The following CNR2 variants were observed in gnomAD, a reference collection of about 807,000 sequenced individuals.
CNR2 encodes cannabinoid receptor 2 (macrophage).
For missense variants in CNR2, 379 were observed against 439.9 expected (o/e 0.86, Z 1.24); for synonymous variants, 172 against 182.2 (o/e 0.94, Z 0.45).
intron 1 of CNR2, among the ~76,000 whole-genome samples, chr1:23,880,684 G>A (rs1178964024): frequency 6.6e-6 from 1 of 151,724 alleles, no homozygotes; most frequent in East Asian, 1.9e-4. Context: ...TCCTGCTTCA[G>A]CTTCCTGAGT....
intron 1 of CNR2, among the ~76,000 whole-genome samples, chr1:23,912,267 C>T (rs955445885): frequency 3.3e-5 from 5 of 152,188 alleles, no homozygotes; most frequent in South Asian, 2.1e-4. Flanking sequence ...CTCTTCCCTC[C>T]GCTGAGTGGA....
At chr1:23,897,157 G>T (rs1570716138) in intron 1 of CNR2, among the ~76,000 whole-genome samples, 1 of 152,092 alleles carries the variant, frequency 6.6e-6, no homozygotes, top group African/African-American at 2.4e-5. Flanking sequence ...TTACAGGTGT[G>T]AGCCACTGCA....
intron 1 of CNR2, among the ~76,000 whole-genome samples, chr1:23,897,687 C>T (rs1351273885): frequency 6.6e-6 from 1 of 151,960 alleles, no homozygotes; most frequent in Non-Finnish European, 1.5e-5. Context: ...GTCTTGAACT[C>T]CTGACCTTGT....
At chr1:23,904,889 G>T (rs574603402) in intron 1 of CNR2, among the ~76,000 whole-genome samples, 185 of 152,282 alleles carry the variant, frequency 1.2e-3, no homozygotes, top group Non-Finnish European at 2.2e-3. Context: ...AATCACCTGT[G>T]GTTTGCCTCC....
intron 1 of CNR2, among the ~76,000 whole-genome samples, chr1:23,893,489 T>C (rs1640222523): frequency 6.6e-6 from 1 of 152,250 alleles, no homozygotes; most frequent in Non-Finnish European, 1.5e-5. Context: ...ATGTGCAGAT[T>C]AAATAATTAT....
chr1:23,912,035 A>T (rs572709338), intron 1 of CNR2, among the ~76,000 whole-genome samples: 5 of 152,128 alleles, frequency 3.3e-5, no homozygotes, highest in African/African-American at 9.6e-5. Flanking sequence ...CAAACTCTCC[A>T]CCACAGCCAT....
intron 1 of CNR2, among the ~76,000 whole-genome samples, 197 bp downstream of exon 1, chr1:23,913,049 C>A (rs1241469458): frequency 6.6e-6 from 1 of 150,630 alleles, no homozygotes; most frequent in Non-Finnish European, 1.5e-5. Context: ...CACCTGTAAT[C>A]CCAACTACAC....
At chr1:23,886,707 G>A (rs1386003557) in intron 1 of CNR2, among the ~76,000 whole-genome samples, 6 of 152,090 alleles carry the variant, frequency 3.9e-5, no homozygotes, top group Admixed American at 1.3e-4. Flanking sequence ...CTAATCCAAC[G>A]CCATCATTTT....
chr1:23,873,528 G>A lies in CNR2; in HGVS notation c.*1007C>T, dbSNP rs1413267873. On this transcript the variant is annotated 3_prime_UTR_variant, in exon 2 of 2. Transcript: ENST00000374472. ...TGGGATTACAGGCATGAGCTACCAT[G>A]CCTGGCCCCTGAGATCTTTAAAATC... 6.6e-6 allele frequency: 1 copy of A among 152,202 alleles called. No individual in the cohort carries two copies. The highest frequency in any genetic ancestry group is 1.5e-5 in the Non-Finnish European group (1 of 68,090). 9.4% of individuals were successfully genotyped at this position (152,202 alleles called of 1,614,324 possible).
chr1:23,903,982 G>T (rs867040318), intron 1 of CNR2, among the ~76,000 whole-genome samples: 1 of 152,046 alleles, frequency 6.6e-6, no homozygotes, highest in Non-Finnish European at 1.5e-5. Context: ...GCTTTCTCCC[G>T]GGGACTTCTC....
chr1:23,872,103 T>G lies in CNR2; in HGVS notation c.*2432A>C, dbSNP rs1639773328. On this transcript the variant is annotated 3_prime_UTR_variant, in exon 2 of 2. Transcript: ENST00000374472. ...AGCCAAGATCATGTCACTGCACTCC[T>G]GCCTGGACAACAGAATGAGATTCCG... The G allele has an allele frequency of 1.7e-5, 2 of 117,620 alleles. No individual in the cohort carries two copies. Among genetic ancestry groups the G allele is most frequent in the Admixed American group, 1.2e-4 (1 of 8,098 alleles). The allele number at this position is 117,620 out of a possible 1,614,324, so 7.3% of individuals were successfully genotyped here.
In CNR2 at chr1:23,873,982, A is replaced by G. The variant is rs1031671148; in HGVS notation, c.*553T>C. Reference sequence around the variant, plus strand: ...GGATGCCCCAAACTGAAGGCTTGTCATTTATCTCTGAAAGAGGCAAGTCAA... The same window carrying G: ...GGATGCCCCAAACTGAAGGCTTGTCGTTTATCTCTGAAAGAGGCAAGTCAA... On this transcript the variant is annotated 3_prime_UTR_variant, in exon 2 of 2. Coordinates refer to ENST00000374472, the MANE Select transcript of CNR2 (RefSeq NM_001841.3). 6.5e-6 allele frequency: 1 copy of G among 153,204 alleles called. No homozygotes were observed. The highest frequency in any genetic ancestry group is 1.5e-5 in the Non-Finnish European group (1 of 68,656). The allele number at this position is 153,204 out of a possible 1,614,324, so 9.5% of individuals were successfully genotyped here.
intron 1 of CNR2, among the ~76,000 whole-genome samples, chr1:23,882,072 C>A (rs1639997594): frequency 6.6e-6 from 1 of 151,578 alleles, no homozygotes; most frequent in Admixed American, 6.6e-5. Flanking sequence ...CAGGTGCCTG[C>A]CACCACGACC....
intron 1 of CNR2, among the ~76,000 whole-genome samples, chr1:23,896,521 G>C (rs569794873): frequency 6.6e-6 from 1 of 152,350 alleles, no homozygotes; most frequent in African/African-American, 2.4e-5. Context: ...GAACACATTA[G>C]AGCTTTCTCC....
At chr1:23,884,852 G>C (rs4535949) in intron 1 of CNR2, among the ~76,000 whole-genome samples, 109,959 of 151,296 alleles carry the variant, frequency 0.73, 40,701 homozygotes, top group Middle Eastern at 0.79. Context: ...CCAGGCTGGA[G>C]TGCAGTGGCA....
At chr1:23,903,859 G>A (rs1640442883) in intron 1 of CNR2, among the ~76,000 whole-genome samples, 1 of 152,228 alleles carries the variant, frequency 6.6e-6, no homozygotes, top group Admixed American at 6.5e-5. Flanking sequence ...CAAAGATGCA[G>A]TGACTTGTCT....
chr1:23,901,394 C>T (rs183123752), intron 1 of CNR2: 30 of 1,283,676 alleles, frequency 2.3e-5, no homozygotes, highest in Non-Finnish European at 3.2e-5. Context: ...TGTGGCCTTT[C>T]ATGGTGTCAA....
At chr1:23,908,893 C>A (rs1640541137) in intron 1 of CNR2, among the ~76,000 whole-genome samples, 1 of 152,092 alleles carries the variant, frequency 6.6e-6, no homozygotes, top group Non-Finnish European at 1.5e-5. Context: ...TTGCCTCAAC[C>A]TCTAGGGAGG....
At chr1:23,910,671 A>AG (rs1420470966) in intron 1 of CNR2, among the ~76,000 whole-genome samples, 2 of 150,474 alleles carry the variant, frequency 1.3e-5, no homozygotes, top group Non-Finnish European at 3.0e-5. Flanking sequence ...AAAAAAAAAA[A>AG]AAAAAAAAGA....
Sources: allele counts gnomAD v4.1 joint callset (sites outside exome capture counted in the v4.1 genomes callset), GRCh38; gene constraint gnomAD v4.1.1; transcripts MANE v1.5; gene names NCBI Gene and HGNC (gene_info 2026-07-23, HGNC 2026-07-21).